The following LRRC56 variants were observed in gnomAD, a reference collection of about 807,000 sequenced individuals.
LRRC56 encodes the protein leucine-rich repeat-containing protein 56.
A neutral mutation model predicts 47.8 loss-of-function variants in LRRC56; 41 were observed. That is an observed-to-expected ratio of 0.86 (90% CI 0.67 to 1.11). The LOEUF (loss-of-function observed/expected upper bound fraction) is 1.11. Among genes scored for constraint, LRRC56 ranks in the 50% most tolerant of loss-of-function variants. The probability of loss-of-function intolerance (pLI) is 0.00; values close to 1 mark genes in which losing one functional copy is unlikely to be tolerated. For synonymous variants in LRRC56, 387 were observed against 311.2 expected (o/e 1.24, Z -2.56); for missense variants, 759 against 704.2 (o/e 1.08, Z -0.88).
the LRRC56 span, among the ~76,000 whole-genome samples, chr11:511,126 C>T: frequency 3.3e-5 from 5 of 151,746 alleles, no homozygotes; most frequent in East Asian, 3.9e-4. Context: ...TCGAGACCAT[C>T]CTGGCTAACA....
the LRRC56 span, among the ~76,000 whole-genome samples, chr11:524,681 TC>T: frequency 6.6e-6 from 1 of 151,524 alleles, no homozygotes; most frequent in East Asian, 1.9e-4. Flanking sequence ...GAAAGGAAAA[TC>T]TTTTCAACAA....
chr11:518,861 G>A, the LRRC56 span, among the ~76,000 whole-genome samples: 7 of 151,824 alleles, frequency 4.6e-5, no homozygotes, highest in African/African-American at 1.5e-4. Context: ...AGCGAGGCCG[G>A]GACTCGGGCG....
the LRRC56 span, among the ~76,000 whole-genome samples, chr11:517,486 GC>G: frequency 6.6e-6 from 1 of 150,934 alleles, no homozygotes; most frequent in Admixed American, 6.6e-5. Flanking sequence ...CCTCTGCCCA[GC>G]CACCGCCTTA....
Position 552,153 on chromosome 11 carries a change from A to AC in LRRC56, c.1106dup (p.Glu370ArgfsTer3). Reference sequence around the variant, plus strand: ...AGGAGATCCGGCCGCCAGCACTTCCACCCCAGAGCCTGACCCTGCAGACAG... The same window carrying AC: ...AGGAGATCCGGCCGCCAGCACTTCCACCCCCAGAGCCTGACCCTGCAGACAG... On this transcript the variant is annotated frameshift_variant, in exon 12 of 14. Transcript: ENST00000270115. LOFTEE classifies it high-confidence loss of function. 6.2e-7 allele frequency: 1 copy of AC among 1,611,996 alleles called. No homozygotes were observed. Among genetic ancestry groups the AC allele is most frequent in the Non-Finnish European group, 8.5e-7 (1 of 1,179,734 alleles).
At position 538,741 on chromosome 11, in the gene LRRC56, T is replaced by C. The variant is rs561229014; in HGVS notation, c.-278T>C. The C allele has an allele frequency of 1.3e-5, 2 of 152,394 alleles. No homozygotes were observed. The highest frequency in any genetic ancestry group is 3.9e-4 in the East Asian group (2 of 5,192). The allele number at this position is 152,394 out of a possible 1,614,324, so 9.4% of individuals were successfully genotyped here. On this transcript the variant is annotated 5_prime_UTR_variant, in exon 2 of 14. Transcript: ENST00000270115. ...TGCATCTGCCTGTTCACGGATTCCTTCGACAAATATTTGAGCATCCCCTCC... is the reference window on the plus strand; with the variant it reads ...TGCATCTGCCTGTTCACGGATTCCTCCGACAAATATTTGAGCATCCCCTCC...
At chr11:553,363 G>A (rs1847872404) in intron 13 of LRRC56, among the ~76,000 whole-genome samples, 1 of 152,194 alleles carries the variant, frequency 6.6e-6, no homozygotes, top group Non-Finnish European at 1.5e-5. Flanking sequence ...AAGGGGGCTG[G>A]GATGGGCAGG....
At chr11:533,698 G>T (rs1365952651), upstream of LRRC56, 9 of 1,610,708 alleles carry the variant, frequency 5.6e-6, no homozygotes, top group African/African-American at 1.3e-5. Flanking sequence ...GGAGGCCCCT[G>T]CCTGGACGCA....
chr11:546,481 T>C (rs1852087743), intron 6 of LRRC56, among the ~76,000 whole-genome samples: 1 of 150,240 alleles, frequency 6.7e-6, no homozygotes, highest in South Asian at 2.1e-4. Flanking sequence ...GGCAGGAAAA[T>C]GGCGTGAACC....
chr11:532,607 G>A (rs375219797), upstream of LRRC56: 1,270 of 1,602,240 alleles, frequency 7.9e-4, no homozygotes, highest in Non-Finnish European at 9.8e-4. Context: ...TGGGCGTGGC[G>A]GCCGCCCTGG....
At chr11:507,797 A>T in the LRRC56 span, among the ~76,000 whole-genome samples, 3 of 152,168 alleles carry the variant, frequency 2.0e-5, no homozygotes, top group Admixed American at 1.3e-4. Context: ...GGCCCCGTGA[A>T]CCACGCTGCC....
chr11:517,021 TG>T, the LRRC56 span, among the ~76,000 whole-genome samples: 1 of 152,142 alleles, frequency 6.6e-6, no homozygotes, highest in African/African-American at 2.4e-5. Context: ...GACTGGTTTT[TG>T]TATTTTTGGA....
At position 551,226 on chromosome 11, in the gene LRRC56, G is replaced by T; in HGVS notation, c.720G>T (p.Pro240=). 6.5e-7 allele frequency: 1 copy of T among 1,545,550 alleles called. No individual in the cohort carries two copies. Among genetic ancestry groups the T allele is most frequent in the African/African-American group, 1.4e-5 (1 of 72,916 alleles). Residue 240 remains proline, a synonymous_variant, in exon 9 of 14, where the codon CCG becomes CCT. Transcript: ENST00000270115. Reference sequence around the variant, plus strand: ...TGCCGGCCGCACACACAGGCCCACCGGCCCCCCCGCGGCTGAGCCAGGACT... The same window carrying T: ...TGCCGGCCGCACACACAGGCCCACCTGCCCCCCCGCGGCTGAGCCAGGACT... ...DEVPAAHTGP[P]APPRLSQDWL... is the part of the protein sequence containing the mutation.
the LRRC56 span, among the ~76,000 whole-genome samples, chr11:511,393 G>A: frequency 6.6e-6 from 1 of 152,118 alleles, no homozygotes; most frequent in Non-Finnish European, 1.5e-5. Flanking sequence ...CAACTTGATT[G>A]GTGGCTGTTG....
At chr11:533,404 C>T (rs568602129), upstream of LRRC56, 417 of 722,400 alleles carry the variant, frequency 5.8e-4, 6 homozygotes, top group South Asian at 4.1e-3. Context: ...CTGGCTGGGG[C>T]GGGGCGGGGC....
At chr11:516,112 G>T in the LRRC56 span, among the ~76,000 whole-genome samples, 1 of 151,982 alleles carries the variant, frequency 6.6e-6, no homozygotes, top group Non-Finnish European at 1.5e-5. Context: ...ACACATCTTG[G>T]GCCAGGTGCA....
At chr11:522,315 G>A in the LRRC56 span, among the ~76,000 whole-genome samples, 2 of 152,128 alleles carry the variant, frequency 1.3e-5, no homozygotes, top group Non-Finnish European at 2.9e-5. Flanking sequence ...GCCCAGGCTG[G>A]AGTGCAGTGG....
the LRRC56 span, among the ~76,000 whole-genome samples, chr11:508,358 C>A: frequency 2.6e-5 from 4 of 152,184 alleles, no homozygotes; most frequent in African/African-American, 9.7e-5. Flanking sequence ...GAAGAGGTCT[C>A]CCTGTGTTGC....
the LRRC56 span, among the ~76,000 whole-genome samples, chr11:531,408 AG>A: frequency 6.6e-6 from 1 of 152,180 alleles, no homozygotes; most frequent in African/African-American, 2.4e-5. Flanking sequence ...AGCAGAAGCC[AG>A]GATGACCACA....
At chr11:519,176 A>G in the LRRC56 span, among the ~76,000 whole-genome samples, 1 of 152,176 alleles carries the variant, frequency 6.6e-6, no homozygotes, top group Non-Finnish European at 1.5e-5. Flanking sequence ...AGGGAAAATC[A>G]CCCGCAGTTC....
Sources: allele counts gnomAD v4.1 joint callset (sites outside exome capture counted in the v4.1 genomes callset), GRCh38; gene constraint gnomAD v4.1.1; transcripts MANE v1.5; gene names NCBI Gene and HGNC (gene_info 2026-07-23, HGNC 2026-07-21).